Variants in GRID2 observed in about 807,000 individuals in gnomAD.
The protein encoded by GRID2 is glutamate ionotropic receptor delta type subunit 2.
A neutral mutation model predicts 114.8 loss-of-function variants in GRID2; 33 were observed. The ratio of observed to expected loss-of-function variants is 0.29; its 90% CI spans 0.22 to 0.38. GRID2 has a LOEUF of 0.38. Ranked by LOEUF, GRID2 falls within the 10% of genes least tolerant of loss-of-function variation. The pLI is 1.00. For missense variants in GRID2, 1,184 were observed against 1,257.7 expected, an observed-to-expected ratio of 0.94 and a Z score of 0.89; for synonymous variants, 505 against 449.9, an observed-to-expected ratio of 1.12 and a Z score of -1.55.
intron 1 of GRID2, among the ~76,000 whole-genome samples, chr4:92,376,186 T>C (rs541484811): frequency 6.6e-6 from 1 of 152,168 alleles, no homozygotes; most frequent in South Asian, 2.1e-4. Flanking sequence ...GTCGGGCACC[T>C]GAAGTCCCAG....
intron 8 of GRID2, among the ~76,000 whole-genome samples, chr4:93,277,899 A>C (rs914087713): frequency 2.0e-5 from 3 of 152,078 alleles, no homozygotes; most frequent in Non-Finnish European, 4.4e-5. Flanking sequence ...GGAAGTATAA[A>C]TCACTATGAA....
rs886662154 is a variant in GRID2, at chr4:93,774,466, C to T, written c.*1968C>T. ...ATGTATCGCCTATTATACAAACACA[C>T]AAAACATTTTTGGAGGCCTCAGTTA... On this transcript the variant is annotated 3_prime_UTR_variant, in exon 16 of 16. Coordinates refer to ENST00000282020, the MANE Select transcript of GRID2 (RefSeq NM_001510.4). 3 of 152,166 alleles carry T rather than the reference C, an allele frequency of 2.0e-5. No individual in the cohort carries two copies. The East Asian group carries it at 5.8e-4, about 29-fold the overall frequency. The allele number at this position is 152,166 out of a possible 1,614,324, so 9.4% of individuals were successfully genotyped here.
chr4:93,126,693 G>A (rs1311567843), intron 4 of GRID2, among the ~76,000 whole-genome samples: 1 of 134,512 alleles, frequency 7.4e-6, no homozygotes, highest in African/African-American at 2.9e-5. Context: ...CGCCTCCCAG[G>A]TTCACGCCAT....
intron 13 of GRID2, among the ~76,000 whole-genome samples, chr4:93,559,201 A>G (rs187010003): frequency 7.6e-4 from 116 of 152,320 alleles, no homozygotes; most frequent in African/African-American, 2.7e-3. Flanking sequence ...CTAAAACACC[A>G]AAAGCAATGG....
At chr4:92,661,489 G>A (rs1252361840) in intron 2 of GRID2, among the ~76,000 whole-genome samples, 2 of 150,732 alleles carry the variant, frequency 1.3e-5, no homozygotes, top group African/African-American at 2.4e-5. Flanking sequence ...GTTGGGTTTC[G>A]GGGTGAGAAT....
intron 14 of GRID2, among the ~76,000 whole-genome samples, chr4:93,684,545 C>A (rs954282902): frequency 2.0e-5 from 3 of 151,994 alleles, no homozygotes; most frequent in African/African-American, 7.2e-5. Flanking sequence ...ATGAGTTTGA[C>A]TCAGGTGTTC....
chr4:93,591,408 A>C (rs1246283193), intron 13 of GRID2, among the ~76,000 whole-genome samples: 3 of 151,668 alleles, frequency 2.0e-5, no homozygotes, highest in African/African-American at 7.3e-5. Context: ...GATGAAGCCC[A>C]CTTGACCATG....
intron 8 of GRID2, among the ~76,000 whole-genome samples, chr4:93,323,812 G>T (rs1284336060): frequency 1.3e-5 from 2 of 152,084 alleles, no homozygotes; most frequent in Non-Finnish European, 2.9e-5. Flanking sequence ...TGAAGCAATT[G>T]TGAAAGGGAG....
intron 7 of GRID2, among the ~76,000 whole-genome samples, chr4:93,230,799 A>G (rs914080202): frequency 1.3e-5 from 2 of 151,990 alleles, no homozygotes; most frequent in African/African-American, 4.8e-5. Flanking sequence ...GGGAATAAAC[A>G]CCCTCAATTA....
chr4:93,568,537 G>T (rs777124307), intron 13 of GRID2, among the ~76,000 whole-genome samples: 1 of 152,190 alleles, frequency 6.6e-6, no homozygotes, highest in Non-Finnish European at 1.5e-5. Context: ...CACCGTAGTA[G>T]AGGAAGCTGA....
chr4:92,763,251 G>A (rs1039568982), intron 2 of GRID2, among the ~76,000 whole-genome samples: 5 of 152,102 alleles, frequency 3.3e-5, no homozygotes, highest in Non-Finnish European at 7.4e-5. Context: ...TATCCTAAGT[G>A]CTGGGTATAC....
intron 1 of GRID2, among the ~76,000 whole-genome samples, chr4:92,330,141 C>A (rs926675792): frequency 6.6e-6 from 1 of 151,942 alleles, no homozygotes; most frequent in Non-Finnish European, 1.5e-5. Context: ...TTATTTAATC[C>A]ATTGTGGGCC....
At chr4:92,671,658 T>C (rs1359621053) in intron 2 of GRID2, among the ~76,000 whole-genome samples, 1 of 152,078 alleles carries the variant, frequency 6.6e-6, no homozygotes, top group African/African-American at 2.4e-5. Flanking sequence ...GAGGAGTTAA[T>C]TGTTGGAAGT....
chr4:93,270,547 G>A (rs1370654442), intron 8 of GRID2, among the ~76,000 whole-genome samples: 1 of 152,134 alleles, frequency 6.6e-6, no homozygotes, highest in Non-Finnish European at 1.5e-5. Context: ...CTACCAAGGA[G>A]AGCTGGAGAA....
intron 2 of GRID2, among the ~76,000 whole-genome samples, chr4:92,646,663 A>ATAGTCAT (rs1731645879): frequency 1.3e-5 from 2 of 152,228 alleles, no homozygotes; most frequent in Admixed American, 1.3e-4. Flanking sequence ...ATGACTATTA[A>ATAGTCAT]AATGTAAACA....
intron 1 of GRID2, among the ~76,000 whole-genome samples, chr4:92,338,778 A>C (rs1011950513): frequency 6.6e-6 from 1 of 152,110 alleles, no homozygotes; most frequent in African/African-American, 2.4e-5. Flanking sequence ...CACGTAGAAA[A>C]TCTTGTGTTC....
intron 1 of GRID2, among the ~76,000 whole-genome samples, chr4:93,783,467 C>T (rs72875991): frequency 0.04 from 6,070 of 152,214 alleles, 393 homozygotes; most frequent in African/African-American, 0.14. Flanking sequence ...ATGTAAGAGG[C>T]TTTGTACACT....
chr4:92,471,990 G>A, intron 1 of GRID2, among the ~76,000 whole-genome samples: 1 of 51,920 alleles, frequency 1.9e-5, no homozygotes, highest in Non-Finnish European at 3.6e-5. Flanking sequence ...CTGGAGTGCA[G>A]TGGCGGGATC....
intron 1 of GRID2, among the ~76,000 whole-genome samples, chr4:92,513,466 A>G (rs905323376): frequency 6.6e-6 from 1 of 151,876 alleles, no homozygotes; most frequent in African/African-American, 2.4e-5. Flanking sequence ...ACACAGGGCC[A>G]CCTTTACTCA....
Sources: gnomAD v4.1 joint callset for allele counts (sites outside exome capture counted in the v4.1 genomes callset) on GRCh38, gnomAD v4.1.1 for gene constraint, MANE v1.5 for transcripts, NCBI Gene and HGNC (gene_info 2026-07-23, HGNC 2026-07-21) for gene names.